SRP54: variants seen among roughly 807,000 people sequenced by gnomAD.
SRP54 encodes signal recognition particle 54.
A neutral mutation model predicts 64.8 loss-of-function variants in SRP54; 10 were observed. The ratio of observed to expected loss-of-function variants is 0.15; its 90% confidence interval spans 0.10 to 0.26. The LOEUF (loss-of-function observed/expected upper bound fraction) is 0.26, where lower values mean the gene tolerates loss of function less well. Ranked by LOEUF, SRP54 falls within the 10% of genes least tolerant of loss-of-function variation. The pLI is 1.00. For missense variants in SRP54, 325 were observed against 613.7 expected (o/e 0.53, Z 4.97); for synonymous variants, 193 against 185.6 (o/e 1.04, Z -0.32).
chr14:35,012,247 A>G lies in SRP54; in HGVS notation c.636+588A>G, dbSNP rs901689281. On this transcript the variant is annotated intron_variant, in intron 8 of 15. Transcript: ENST00000216774. ...AAAAAAAAAAAAAAAATTAGTAATT[A>G]GCCTTTAGTTTCTGTTGAATTTCCT... Among the ~76,000 whole-genome samples, 13 of 151,696 alleles carry G rather than the reference A, an allele frequency of 8.6e-5. No individual in the cohort carries two copies. In the East Asian group the frequency reaches 2.5e-3, roughly 29 times the overall value.
At chr14:34,986,027 A>G (rs2043890147) in intron 1 of SRP54, among the ~76,000 whole-genome samples, 1 of 152,096 alleles carries the variant, frequency 6.6e-6, no homozygotes, top group African/African-American at 2.4e-5. Context: ...TCTTGGTAGC[A>G]TTTTATGTAA....
At chr14:35,011,195 A>C (rs1267621199) in intron 7 of SRP54, among the ~76,000 whole-genome samples, 1 of 147,354 alleles carries the variant, frequency 6.8e-6, no homozygotes, top group Non-Finnish European at 1.5e-5. Context: ...TTAAATGGAA[A>C]AATGTGTGAA....
intron 1 of SRP54, among the ~76,000 whole-genome samples, chr14:34,995,130 A>C: frequency 1.8e-5 from 1 of 56,212 alleles, no homozygotes; most frequent in African/African-American, 5.6e-5. Flanking sequence ...CAGAATCAAT[A>C]AAGGGTGTGT....
At chr14:35,006,653 T>G (rs1359469849) in intron 4 of SRP54, among the ~76,000 whole-genome samples, 3 of 152,232 alleles carry the variant, frequency 2.0e-5, no homozygotes, top group Admixed American at 2.0e-4. Flanking sequence ...TATACATTTT[T>G]GTATTACATT....
intron 7 of SRP54, 118 bp from the exon 8 acceptor site, chr14:35,011,391 A>G (rs1335573222): frequency 2.7e-5 from 18 of 670,014 alleles, no homozygotes; most frequent in Non-Finnish European, 3.7e-5. Context: ...TCCTCTTCTA[A>G]ATTGAAATTG....
chr14:35,027,031 T>TC (rs1440909583), intron 14 of SRP54, among the ~76,000 whole-genome samples: 2 of 150,680 alleles, frequency 1.3e-5, no homozygotes, highest in Non-Finnish European at 3.0e-5. Flanking sequence ...ACTTTCTTTT[T>TC]TTTTTTTTTT....
intron 1 of SRP54, chr14:34,993,220 T>C (rs2044010523): frequency 6.6e-6 from 1 of 152,200 alleles, no homozygotes; most frequent in Non-Finnish European, 1.5e-5. Flanking sequence ...AAAAAGTTAA[T>C]TGTGGTGTCA....
intron 14 of SRP54, 55 bp downstream of exon 14, chr14:35,023,135 A>G (rs2044562609): frequency 3.5e-6 from 5 of 1,439,952 alleles, no homozygotes; most frequent in Admixed American, 4.1e-5. Context: ...GGAAGTTGAG[A>G]AAAAAGAGTG....
intron 14 of SRP54, among the ~76,000 whole-genome samples, chr14:35,024,277 C>T (rs1188972395): frequency 2.6e-5 from 4 of 152,198 alleles, no homozygotes; most frequent in Admixed American, 6.5e-5. Flanking sequence ...GATGTGCCCG[C>T]CTCGGACTCC....
chr14:35,003,899 A>C (rs1232233964), intron 4 of SRP54, among the ~76,000 whole-genome samples: 1 of 150,656 alleles, frequency 6.6e-6, no homozygotes, highest in Non-Finnish European at 1.5e-5. Flanking sequence ...ACGCCACTGC[A>C]CTCCAGCCTG....
In SRP54 at chr14:35,000,927, A is replaced by G. The variant is rs766194065; in HGVS notation, c.171-9A>G. ...CTCCCCACCCCAATCACCAACCACCATCATAAAGGTCTGCTATTGATCTTG... is the reference window on the plus strand; with the variant it reads ...CTCCCCACCCCAATCACCAACCACCGTCATAAAGGTCTGCTATTGATCTTG... On this transcript the variant is annotated splice_polypyrimidine_tract_variant and intron_variant, in intron 3 of 15. Transcript: ENST00000216774. 6.5e-6 allele frequency: 10 copies of G among 1,537,456 alleles called. No homozygotes were observed. The highest frequency in any genetic ancestry group is 2.3e-5 in the East Asian group (1 of 42,784).
chr14:35,001,437 C>T (rs1176242729), intron 4 of SRP54, among the ~76,000 whole-genome samples: 2 of 152,090 alleles, frequency 1.3e-5, no homozygotes, highest in Non-Finnish European at 2.9e-5. Context: ...AGGTGTGAAC[C>T]ACTGCACCTG....
At chr14:34,988,854 A>T (rs1197940653) in intron 1 of SRP54, among the ~76,000 whole-genome samples, 1 of 151,900 alleles carries the variant, frequency 6.6e-6, no homozygotes, top group Non-Finnish European at 1.5e-5. Flanking sequence ...CAAGTCCCTG[A>T]TGTAAAATGG....
At chr14:35,013,534 A>G in intron 9 of SRP54, 40 bp downstream of exon 9, 1 of 1,591,826 alleles carries the variant, frequency 6.3e-7, no homozygotes. Flanking sequence ...TCTTGGGATT[A>G]TATGGGGAAG....
intron 1 of SRP54, among the ~76,000 whole-genome samples, chr14:34,995,222 T>C (rs1273694776): frequency 6.7e-6 from 1 of 150,158 alleles, no homozygotes; most frequent in African/African-American, 2.5e-5. Flanking sequence ...TATAAAGATA[T>C]GTATTTATTA....
At chr14:35,013,523 G>T in intron 9 of SRP54, 29 bp downstream of exon 9, 1 of 1,604,878 alleles carries the variant, frequency 6.2e-7, no homozygotes, top group African/African-American at 1.3e-5. Context: ...GTTGTCCTCT[G>T]TCTTGGGATT....
rs2044479786 is a variant in SRP54 at position 35,018,701 on chromosome 14, C to T, written c.983C>T (p.Thr328Met). ...TTACATTGTATTTCAGGTCAGTTTA[C>T]GTTGCGAGACATGTATGAGCAATTT... Reference protein sequence around the residue: ...LIEKLKHGQFTLRDMYEQFQN... With the variant: ...LIEKLKHGQFMLRDMYEQFQN... Residue 328 changes from threonine to methionine, a missense_variant, in exon 12 of 16, where the codon ACG (threonine) becomes ATG (methionine). Physicochemically the swap from Thr to Met is moderately conservative, Grantham distance 81 (BLOSUM62 -1). Coordinates refer to ENST00000216774, the MANE Select transcript of SRP54 (RefSeq NM_003136.4). 5 of 1,612,532 alleles carry T rather than the reference C, an allele frequency of 3.1e-6. No individual in the cohort carries two copies. The highest frequency in any genetic ancestry group is 4.2e-6 in the Non-Finnish European group (5 of 1,179,446).
At chr14:35,028,258 T>G (rs542605612) in intron 15 of SRP54, 75 bp downstream of exon 15, 2 of 879,560 alleles carry the variant, frequency 2.3e-6, no homozygotes, top group Admixed American at 4.9e-5. Context: ...AAGCCTTTTA[T>G]TGTAATATTA....
intron 1 of SRP54, among the ~76,000 whole-genome samples, chr14:34,993,683 AAATT>A (rs76744009): frequency 0.2 from 30,497 of 151,522 alleles, 3,643 homozygotes; most frequent in Non-Finnish European, 0.28. Context: ...GTTTGTCTTA[AAATT>A]AATTAATTAA....
Sources: allele counts gnomAD v4.1 joint callset (sites outside exome capture counted in the v4.1 genomes callset), GRCh38; gene constraint gnomAD v4.1.1; transcripts MANE v1.5; gene names NCBI Gene and HGNC (gene_info 2026-07-23, HGNC 2026-07-21).